Variants in RPGRIP1L observed in about 807,000 individuals in gnomAD.
RPGRIP1L encodes the protein protein fantom.
A neutral mutation model predicts 160.4 loss-of-function variants in RPGRIP1L; 131 were observed. The ratio of observed to expected loss-of-function variants is 0.82; its 90% CI spans 0.71 to 0.94. The LOEUF is 0.94. Ranked by LOEUF, RPGRIP1L falls within the 40% of genes least tolerant of loss-of-function variation. The pLI, the probability that RPGRIP1L is intolerant of heterozygous loss-of-function variation, is 0.00. For missense variants in RPGRIP1L, 1,522 were observed against 1,535.8 expected, an observed-to-expected ratio of 0.99 and a Z score of 0.15; for synonymous variants, 510 against 515.8, an observed-to-expected ratio of 0.99 and a Z score of 0.15.
intron 16 of RPGRIP1L, among the ~76,000 whole-genome samples, chr16:53,648,625 C>CT (rs1966737254): frequency 9.7e-6 from 1 of 103,202 alleles, no homozygotes; most frequent in Admixed American, 1.1e-4. Flanking sequence ...CGCGCGCGCG[C>CT]GCACACACAC....
intron 9 of RPGRIP1L, among the ~76,000 whole-genome samples, chr16:53,669,266 C>G (rs1417093309): frequency 6.6e-6 from 1 of 151,994 alleles, no homozygotes; most frequent in African/African-American, 2.4e-5. Context: ...TTCTGTAGTT[C>G]TGTTGACTAT....
At chr16:53,656,168 A>G (rs1438204453) in intron 14 of RPGRIP1L, among the ~76,000 whole-genome samples, 1 of 152,170 alleles carries the variant, frequency 6.6e-6, no homozygotes, top group Non-Finnish European at 1.5e-5. Context: ...CTTGAGTAGA[A>G]AAGAATCAAG....
chr16:53,631,952 T>C (rs1217490865), intron 22 of RPGRIP1L, among the ~76,000 whole-genome samples: 1 of 152,188 alleles, frequency 6.6e-6, no homozygotes, highest in East Asian at 1.9e-4. Context: ...TTAAAAAAGA[T>C]GCTAACACTA....
intron 4 of RPGRIP1L, 23 bp downstream of exon 4, chr16:53,692,043 A>G (rs371594143): frequency 5.6e-6 from 9 of 1,611,368 alleles, no homozygotes; most frequent in Non-Finnish European, 6.8e-6. Flanking sequence ...TTCAGTTTAG[A>G]TTTAACGTAA....
chr16:53,609,055 A>C (rs962919735), intron 25 of RPGRIP1L, among the ~76,000 whole-genome samples: 2 of 152,046 alleles, frequency 1.3e-5, no homozygotes, highest in Admixed American at 6.6e-5. Context: ...TGCAGAAACA[A>C]CCATGGGAGA....
intron 10 of RPGRIP1L, chr16:53,659,739 A>C (rs1598347381): frequency 1.3e-5 from 2 of 151,874 alleles, no homozygotes; most frequent in African/African-American, 4.8e-5. Flanking sequence ...ATTAAAACAA[A>C]ATTAGCTGGG....
rs1049063403 is a variant in RPGRIP1L at position 53,598,887 on chromosome 16, G to A, written c.*3189C>T. The A allele has an allele frequency of 4.6e-5, 7 of 152,146 alleles. No homozygotes were observed. The highest frequency in any genetic ancestry group is 1.7e-4 in the African/African-American group (7 of 41,438). The allele number at this position is 152,146 out of a possible 1,614,324, so 9.4% of individuals were successfully genotyped here. Reference sequence around the variant, plus strand: ...TCCTGGTTGTTTTGTCCTACACAAAGATGACATTTTATTCTCATATTTGTT... The same window carrying A: ...TCCTGGTTGTTTTGTCCTACACAAAAATGACATTTTATTCTCATATTTGTT... On this transcript the variant is annotated 3_prime_UTR_variant, in exon 27 of 27. Transcript: ENST00000647211.
At chr16:53,604,158 C>T (rs760129216) in intron 26 of RPGRIP1L, among the ~76,000 whole-genome samples, 9 of 152,168 alleles carry the variant, frequency 5.9e-5, no homozygotes, top group Non-Finnish European at 4.4e-5. Flanking sequence ...CCAACTGCCA[C>T]GTGGTTAGAA....
chr16:53,648,863 C>T (rs770238457), intron 16 of RPGRIP1L, 101 bp downstream of exon 16: 9 of 1,093,018 alleles, frequency 8.2e-6, no homozygotes, highest in Non-Finnish European at 1.1e-5. Context: ...AAAAAAGACA[C>T]TTGATGGCTG....
At chr16:53,612,849 T>C (rs1964142024) in intron 24 of RPGRIP1L, among the ~76,000 whole-genome samples, 1 of 152,202 alleles carries the variant, frequency 6.6e-6, no homozygotes, top group Non-Finnish European at 1.5e-5. Context: ...ACTATCCATT[T>C]CCAGAACTTC....
At chr16:53,657,918 C>A (rs953458654) in intron 12 of RPGRIP1L, among the ~76,000 whole-genome samples, 5 of 151,944 alleles carry the variant, frequency 3.3e-5, no homozygotes, top group African/African-American at 1.2e-4. Context: ...GAATCATGTA[C>A]ATTTATTTTT....
At chr16:53,636,679 T>C (rs2151030581) in intron 21 of RPGRIP1L, among the ~76,000 whole-genome samples, 167 bp from the exon 22 acceptor site, 1 of 151,838 alleles carries the variant, frequency 6.6e-6, no homozygotes, top group Non-Finnish European at 1.5e-5. Context: ...CATTACATTT[T>C]AGGGAAAAAA....
At chr16:53,651,467 C>G (rs1443783522) in intron 15 of RPGRIP1L, among the ~76,000 whole-genome samples, 3 of 152,148 alleles carry the variant, frequency 2.0e-5, no homozygotes, top group Non-Finnish European at 4.4e-5. Flanking sequence ...ACTCCTCACT[C>G]TGACCTACAA....
intron 2 of RPGRIP1L, among the ~76,000 whole-genome samples, chr16:53,697,943 A>G (rs1236438203): frequency 1.5e-5 from 2 of 133,046 alleles, no homozygotes; most frequent in African/African-American, 2.9e-5. Flanking sequence ...CCGCCATCCC[A>G]TCTAGGAAGT....
intron 9 of RPGRIP1L, among the ~76,000 whole-genome samples, chr16:53,667,532 G>A (rs1335177638): frequency 1.3e-5 from 2 of 152,158 alleles, no homozygotes; most frequent in Non-Finnish European, 1.5e-5. Context: ...GAGCCCAGGA[G>A]TTCAAGACCA....
intron 23 of RPGRIP1L, among the ~76,000 whole-genome samples, chr16:53,621,850 C>T (rs941159682): frequency 6.1e-5 from 9 of 148,356 alleles, no homozygotes; most frequent in African/African-American, 1.0e-4. Context: ...GGTGAAACCC[C>T]GTCTCTACTA....
At chr16:53,661,469 TA>T (rs1174514275) in intron 10 of RPGRIP1L, among the ~76,000 whole-genome samples, 1 of 152,142 alleles carries the variant, frequency 6.6e-6, no homozygotes, top group Non-Finnish European at 1.5e-5. Flanking sequence ...GTATGTTGAT[TA>T]AATTAAAACA....
At chr16:53,607,938 C>CA in intron 25 of RPGRIP1L, 2 of 981,030 alleles carry the variant, frequency 2.0e-6, no homozygotes, top group Non-Finnish European at 2.4e-6. Flanking sequence ...ACTGCCAAAA[C>CA]AAAAAGGCCA....
At chr16:53,619,635 G>A (rs1964589950) in intron 23 of RPGRIP1L, among the ~76,000 whole-genome samples, 2 of 152,140 alleles carry the variant, frequency 1.3e-5, no homozygotes, top group Non-Finnish European at 2.9e-5. Context: ...GGAGATCAAA[G>A]CCTGTTGAAC....
Sources: allele counts gnomAD v4.1 joint callset (sites outside exome capture counted in the v4.1 genomes callset), GRCh38; gene constraint gnomAD v4.1.1; transcripts MANE v1.5; gene names NCBI Gene and HGNC (gene_info 2026-07-23, HGNC 2026-07-21).